Variants in RYR2 observed in about 807,000 individuals in gnomAD.
The protein encoded by RYR2 is cardiac muscle ryanodine receptor-calcium release channel.
Under a neutral mutation model 601.1 loss-of-function variants are expected in RYR2, and 227 were observed. The observed-to-expected ratio is 0.38, with a 90% CI of 0.34 to 0.42. The LOEUF (loss-of-function observed/expected upper bound fraction) is 0.42. RYR2 is among the 10% of genes least tolerant of loss of function. The pLI is 1.00. For synonymous variants in RYR2, 2,223 were observed against 2,175.1 expected (o/e 1.02, Z -0.61); for missense variants, 4,646 against 6,156.5 (o/e 0.75, Z 8.21).
intron 1 of RYR2, among the ~76,000 whole-genome samples, chr1:237,148,371 G>C (rs565116824): frequency 7.2e-5 from 11 of 151,824 alleles, no homozygotes; most frequent in African/African-American, 2.4e-4. Context: ...TGGGGGATGT[G>C]GGGGAGAGCA....
intron 25 of RYR2, among the ~76,000 whole-genome samples, chr1:237,535,370 A>ACTTTCTAAAGG (rs1218372663): frequency 6.6e-6 from 1 of 152,098 alleles, no homozygotes; most frequent in Non-Finnish European, 1.5e-5. Flanking sequence ...GTACATTAAA[A>ACTTTCTAAAGG]CTTTCTAAAG....
intron 12 of RYR2, among the ~76,000 whole-genome samples, chr1:237,431,831 T>C (rs970928654): frequency 1.3e-5 from 2 of 152,294 alleles, no homozygotes; most frequent in African/African-American, 2.4e-5. Context: ...TGAATGCACC[T>C]GGCCAAAGTA....
chr1:237,404,077 A>G (rs539707140), intron 10 of RYR2, among the ~76,000 whole-genome samples: 2 of 152,144 alleles, frequency 1.3e-5, no homozygotes, highest in Non-Finnish European at 2.9e-5. Flanking sequence ...AACATGGCGA[A>G]ACCCCATCTC....
At chr1:237,364,770 T>G (rs980041311) in intron 5 of RYR2, among the ~76,000 whole-genome samples, 8 of 152,176 alleles carry the variant, frequency 5.3e-5, no homozygotes, top group Non-Finnish European at 1.2e-4. Context: ...GCTCTCCATT[T>G]AGAATATTCA....
At chr1:237,751,404 T>G (rs747013313) in intron 80 of RYR2, among the ~76,000 whole-genome samples, 1 of 152,252 alleles carries the variant, frequency 6.6e-6, no homozygotes, top group Non-Finnish European at 1.5e-5. Flanking sequence ...TTTCTCATTC[T>G]TTTCTTTCCT....
intron 10 of RYR2, among the ~76,000 whole-genome samples, chr1:237,416,207 T>G (rs1191324432): frequency 1.3e-5 from 2 of 152,154 alleles, no homozygotes; most frequent in Non-Finnish European, 2.9e-5. Context: ...TGGAGCCCAC[T>G]GGAAACTGAC....
At chr1:237,448,580 T>A (rs868536680) in intron 14 of RYR2, among the ~76,000 whole-genome samples, 1 of 152,184 alleles carries the variant, frequency 6.6e-6, no homozygotes, top group South Asian at 2.1e-4. Context: ...AGAAAGGTAC[T>A]GAAAAGTGTC....
intron 1 of RYR2, among the ~76,000 whole-genome samples, chr1:237,051,282 TTCTCTCTCTCTC>T (rs148264575): frequency 5.0e-5 from 4 of 79,340 alleles, no homozygotes; most frequent in Non-Finnish European, 9.2e-5. Context: ...TCTCCTCCCC[TTCTCTCTCTCTC>T]TCTCTCTCTT....
At chr1:237,284,637 A>AGT (rs1558554359) in intron 2 of RYR2, among the ~76,000 whole-genome samples, 3 of 134,034 alleles carry the variant, frequency 2.2e-5, no homozygotes, top group Non-Finnish European at 4.7e-5. Flanking sequence ...ATATATGTAT[A>AGT]GTGTGTGTAT....
chr1:237,634,315 A>G (rs1680642553), intron 43 of RYR2, among the ~76,000 whole-genome samples: 2 of 152,196 alleles, frequency 1.3e-5, no homozygotes, highest in South Asian at 4.1e-4. Flanking sequence ...TTTCAACAAC[A>G]TGGATGAACC....
intron 19 of RYR2, among the ~76,000 whole-genome samples, chr1:237,494,761 C>T (rs146386580): frequency 3.9e-4 from 60 of 152,216 alleles, no homozygotes; most frequent in African/African-American, 1.3e-3. Context: ...CTGTTTTAAA[C>T]AGAAATGTGG....
intron 2 of RYR2, among the ~76,000 whole-genome samples, chr1:237,290,267 G>A (rs143859065): frequency 6.6e-6 from 1 of 152,314 alleles, no homozygotes; most frequent in East Asian, 1.9e-4. Context: ...ACTAAAGACT[G>A]TATACCAAAT....
At chr1:237,621,486 A>G (rs139170282) in intron 38 of RYR2, among the ~76,000 whole-genome samples, 43 of 152,276 alleles carry the variant, frequency 2.8e-4, no homozygotes, top group Non-Finnish European at 5.0e-4. Flanking sequence ...AAAAATAGCA[A>G]TAAAGTTGAC....
At chr1:237,782,981 G>A (rs1167183133) in intron 89 of RYR2, among the ~76,000 whole-genome samples, 1 of 152,118 alleles carries the variant, frequency 6.6e-6, no homozygotes, top group Non-Finnish European at 1.5e-5. Context: ...TCTCCTGCCT[G>A]TCTTTATGAT....
chr1:237,509,031 C>A (rs896206883), intron 23 of RYR2, among the ~76,000 whole-genome samples: 1 of 151,528 alleles, frequency 6.6e-6, no homozygotes, highest in African/African-American at 2.4e-5. Flanking sequence ...CGTGAGCCAC[C>A]GCGCCCGGCC....
At chr1:237,607,668 GA>G (rs1677297131) in intron 35 of RYR2, among the ~76,000 whole-genome samples, 1 of 152,196 alleles carries the variant, frequency 6.6e-6, no homozygotes. Flanking sequence ...ATGAATGATT[GA>G]TTTAAAATTT....
In RYR2 at chr1:237,828,361, G is replaced by A; in HGVS notation, c.14591-20G>A. 2.0e-6 allele frequency: 3 copies of A among 1,504,324 alleles called. No individual in the cohort carries two copies. The highest frequency in any genetic ancestry group is 2.8e-5 in the African/African-American group (2 of 72,336). The allele number at this position is 1,504,324 out of a possible 1,614,324, so 93.2% of individuals were successfully genotyped here. ...TTCATTGCTTGATAAAGATTAAATT[G>A]TGTTTTTATTTAACACCAGGTCTAA... is the stretch of plus-strand genomic sequence containing the variant. On this transcript the variant is annotated intron_variant, in intron 101 of 104. Transcript: ENST00000366574.
At chr1:237,287,054 A>G (rs958093091) in intron 2 of RYR2, among the ~76,000 whole-genome samples, 2 of 152,110 alleles carry the variant, frequency 1.3e-5, no homozygotes, top group African/African-American at 4.8e-5. Context: ...TGTCTGAAAA[A>G]GACTGTATCT....
chr1:237,107,519 CAA>C (rs71561857), intron 1 of RYR2, among the ~76,000 whole-genome samples: 4 of 38,898 alleles, frequency 1.0e-4, no homozygotes, highest in Non-Finnish European at 1.5e-4. Flanking sequence ...GACTCCATCT[CAA>C]AAAAAAAAAA....
Sources: gnomAD v4.1 joint callset for allele counts (sites outside exome capture counted in the v4.1 genomes callset) on GRCh38, gnomAD v4.1.1 for gene constraint, MANE v1.5 for transcripts, NCBI Gene and HGNC (gene_info 2026-07-23, HGNC 2026-07-21) for gene names.